Variants in GRID1 observed in about 807,000 individuals in gnomAD.
GRID1 encodes the protein glutamate ionotropic receptor delta type subunit 1, also known as glutamate receptor ionotropic, delta-1.
Under a neutral mutation model 98.0 loss-of-function variants are expected in GRID1, and 28 were observed. The observed-to-expected ratio is 0.29, with a 90% CI of 0.21 to 0.39. The LOEUF (loss-of-function observed/expected upper bound fraction) is 0.39, where lower values mean the gene tolerates loss of function less well. GRID1 is among the 10% of genes least tolerant of loss of function. GRID1 has a pLI of 1.00. For missense variants in GRID1, 1,111 were observed against 1,340.5 expected (o/e 0.83, Z 2.67); for synonymous variants, 553 against 538.5 (o/e 1.03, Z -0.37).
intron 4 of GRID1, among the ~76,000 whole-genome samples, chr10:85,979,277 G>T (rs1842512979): frequency 6.6e-6 from 1 of 152,070 alleles, no homozygotes; most frequent in Non-Finnish European, 1.5e-5. Context: ...CTCCACCAGT[G>T]GGACCCAAGA....
chr10:86,179,063 G>A (rs1845617357), intron 3 of GRID1, among the ~76,000 whole-genome samples: 1 of 152,044 alleles, frequency 6.6e-6, no homozygotes, highest in Non-Finnish European at 1.5e-5. Flanking sequence ...CTGGGGCTTA[G>A]GTCATCAGAC....
At chr10:86,080,921 C>T (rs959907987) in intron 4 of GRID1, among the ~76,000 whole-genome samples, 3 of 152,124 alleles carry the variant, frequency 2.0e-5, no homozygotes, top group Non-Finnish European at 2.9e-5. Flanking sequence ...AGACTAATTC[C>T]CTCACTTCCA....
chr10:85,752,330 T>G (rs1379956807), intron 8 of GRID1, among the ~76,000 whole-genome samples: 1 of 152,206 alleles, frequency 6.6e-6, no homozygotes, highest in East Asian at 1.9e-4. Flanking sequence ...TGGAAGGCCT[T>G]GGAGGTGACC....
chr10:85,704,523 T>G (rs1049226463), intron 12 of GRID1, among the ~76,000 whole-genome samples: 1 of 152,144 alleles, frequency 6.6e-6, no homozygotes, highest in African/African-American at 2.4e-5. Flanking sequence ...AATAATGGGA[T>G]ACTTTAACAT....
intron 2 of GRID1, among the ~76,000 whole-genome samples, chr10:86,345,553 G>A (rs1044352388): frequency 4.6e-5 from 7 of 152,212 alleles, no homozygotes; most frequent in Non-Finnish European, 7.3e-5. Flanking sequence ...AGAATGGTAC[G>A]CGCTGCACCT....
At chr10:86,308,728 G>A (rs558278143) in intron 2 of GRID1, among the ~76,000 whole-genome samples, 1 of 152,314 alleles carries the variant, frequency 6.6e-6, no homozygotes, top group East Asian at 1.9e-4. Flanking sequence ...GTCCAAGGTT[G>A]AGGGGCCCAC....
intron 13 of GRID1, among the ~76,000 whole-genome samples, chr10:85,627,131 T>C (rs765258000): frequency 3.3e-5 from 5 of 152,086 alleles, no homozygotes; most frequent in Non-Finnish European, 7.4e-5. Context: ...AAAAGAGCAT[T>C]GATTGTTAAG....
At chr10:86,337,840 T>C (rs370953591) in intron 2 of GRID1, among the ~76,000 whole-genome samples, 1 of 151,208 alleles carries the variant, frequency 6.6e-6, no homozygotes, top group South Asian at 2.1e-4. Flanking sequence ...CCCGAGTAGC[T>C]GGGATTACAG....
At chr10:85,971,668 C>A (rs1337899180) in intron 4 of GRID1, among the ~76,000 whole-genome samples, 1 of 152,032 alleles carries the variant, frequency 6.6e-6, no homozygotes, top group African/African-American at 2.4e-5. Context: ...TTTGGAATAG[C>A]TGAAATTAAA....
intron 4 of GRID1, among the ~76,000 whole-genome samples, chr10:86,081,234 G>T (rs139311740): frequency 1.1e-3 from 162 of 152,316 alleles, no homozygotes; most frequent in African/African-American, 3.8e-3. Context: ...TCAAAGAGGA[G>T]CAGAGAAATG....
chr10:86,150,222 C>T (rs1001766263), intron 3 of GRID1, among the ~76,000 whole-genome samples: 19 of 152,228 alleles, frequency 1.2e-4, no homozygotes, highest in African/African-American at 3.9e-4. Context: ...CAGCTGAAGT[C>T]GCCCAGTGAG....
chr10:85,604,682 A>C (rs922330495), intron 15 of GRID1, among the ~76,000 whole-genome samples: 1 of 152,154 alleles, frequency 6.6e-6, no homozygotes. Flanking sequence ...AACCAAATTC[A>C]AGTTATTTTC....
At chr10:86,260,193 T>A (rs1846994435) in intron 2 of GRID1, among the ~76,000 whole-genome samples, 1 of 152,212 alleles carries the variant, frequency 6.6e-6, no homozygotes, top group African/African-American at 2.4e-5. Context: ...CGTGGCTTCC[T>A]TCCACTTTTG....
intron 8 of GRID1, among the ~76,000 whole-genome samples, chr10:85,829,708 C>T (rs928699932): frequency 3.3e-5 from 5 of 151,956 alleles, no homozygotes; most frequent in African/African-American, 1.2e-4. Context: ...AAATATCCCC[C>T]AAAAGAATAA....
intron 2 of GRID1, among the ~76,000 whole-genome samples, chr10:86,303,269 T>C (rs965118117): frequency 4.6e-5 from 7 of 152,252 alleles, no homozygotes; most frequent in Admixed American, 3.9e-4. Context: ...TAACAATGTT[T>C]AAATCCAGAT....
intron 4 of GRID1, among the ~76,000 whole-genome samples, chr10:85,999,983 G>A (rs932433259): frequency 6.6e-6 from 1 of 152,152 alleles, no homozygotes; most frequent in African/African-American, 2.4e-5. Context: ...GTGCCATAAG[G>A]CAAGAAGAAG....
intron 13 of GRID1, among the ~76,000 whole-genome samples, chr10:85,634,998 GAAAAAAAAAAA>G (rs140144576): frequency 0.02 from 709 of 34,768 alleles, 4 homozygotes; most frequent in East Asian, 0.049. Flanking sequence ...GAGGAAATCT[GAAAAAAAAAAA>G]AAAAAAAAAA....
chr10:85,676,253 T>G (rs2132590494), intron 12 of GRID1, among the ~76,000 whole-genome samples: 1 of 152,230 alleles, frequency 6.6e-6, no homozygotes, highest in African/African-American at 2.4e-5. Flanking sequence ...TGGAGGGACC[T>G]GCCTCCCCTG....
At chr10:85,995,794 CCT>C (rs1340388072) in intron 4 of GRID1, among the ~76,000 whole-genome samples, 1 of 152,114 alleles carries the variant, frequency 6.6e-6, no homozygotes, top group Admixed American at 6.5e-5. Context: ...TCAAAGAGTC[CCT>C]CAGAATAGGA....
Sources: allele counts gnomAD v4.1 joint callset (sites outside exome capture counted in the v4.1 genomes callset), GRCh38; gene constraint gnomAD v4.1.1; transcripts MANE v1.5; gene names NCBI Gene and HGNC (gene_info 2026-07-23, HGNC 2026-07-21).